Variants in NEO1 observed in about 807,000 individuals in gnomAD.
NEO1 encodes neogenin 1.
In NEO1, 63 loss-of-function variants were observed where a neutral mutation model predicts 159.7. The observed-to-expected ratio is 0.39, with a 90% CI of 0.32 to 0.49. NEO1 has a LOEUF of 0.49. Ranked by LOEUF, NEO1 falls within the 20% of genes least tolerant of loss-of-function variation. NEO1 has a pLI of 0.85. For missense variants in NEO1, 1,615 were observed against 1,831.0 expected (o/e 0.88, Z 2.15); for synonymous variants, 633 against 662.0 (o/e 0.96, Z 0.67).
At chr15:73,107,994 C>T (rs1246493278) in intron 1 of NEO1, among the ~76,000 whole-genome samples, 4 of 152,080 alleles carry the variant, frequency 2.6e-5, no homozygotes, top group African/African-American at 4.8e-5. Context: ...CCAGCCTGGG[C>T]AACATAGTGA....
chr15:73,066,888 C>G (rs192802616), intron 1 of NEO1, among the ~76,000 whole-genome samples: 1 of 152,296 alleles, frequency 6.6e-6, no homozygotes, highest in African/African-American at 2.4e-5. Context: ...CAGATTTGTC[C>G]CTTTGGCTTT....
chr15:73,242,692 T>C (rs2039555110), intron 8 of NEO1, among the ~76,000 whole-genome samples: 1 of 151,992 alleles, frequency 6.6e-6, no homozygotes, highest in Non-Finnish European at 1.5e-5. Flanking sequence ...CAAAAAAATC[T>C]TAAGAGAAAC....
At chr15:73,215,996 TATGTATAC>T (rs1567506900) in intron 7 of NEO1, among the ~76,000 whole-genome samples, 1 of 152,140 alleles carries the variant, frequency 6.6e-6, no homozygotes, top group African/African-American at 2.4e-5. Context: ...GCTAGTTACA[TATGTATAC>T]ATGTGCCATA....
At chr15:73,183,839 A>G (rs961010436) in intron 7 of NEO1, among the ~76,000 whole-genome samples, 5 of 152,210 alleles carry the variant, frequency 3.3e-5, no homozygotes, top group African/African-American at 1.2e-4. Context: ...AACCTATAGT[A>G]TACTTAAGGT....
At chr15:73,194,138 TG>T (rs1459225388) in intron 7 of NEO1, among the ~76,000 whole-genome samples, 1 of 152,192 alleles carries the variant, frequency 6.6e-6, no homozygotes, top group African/African-American at 2.4e-5. Flanking sequence ...TTTTCAGTTA[TG>T]TAGCACTTTA....
At chr15:73,053,363 T>C (rs554916079) in intron 1 of NEO1, among the ~76,000 whole-genome samples, 9 of 152,094 alleles carry the variant, frequency 5.9e-5, no homozygotes, top group Admixed American at 5.9e-4. Context: ...AGGGGCACAA[T>C]TGCCCGCTCA....
At chr15:73,183,673 T>C (rs1286815408) in intron 7 of NEO1, among the ~76,000 whole-genome samples, 1 of 152,046 alleles carries the variant, frequency 6.6e-6, no homozygotes, top group East Asian at 1.9e-4. Flanking sequence ...CCATGAACTT[T>C]CTACTGTTTG....
intron 1 of NEO1, among the ~76,000 whole-genome samples, chr15:73,092,701 T>A (rs1169140791): frequency 6.6e-6 from 1 of 152,152 alleles, no homozygotes; most frequent in Admixed American, 6.5e-5. Flanking sequence ...AATTTTAAAT[T>A]ATTTTATGTC....
chr15:73,282,775 A>T (rs2041784903), intron 22 of NEO1, among the ~76,000 whole-genome samples, 189 bp from the exon 23 acceptor site: 1 of 152,218 alleles, frequency 6.6e-6, no homozygotes, highest in Non-Finnish European at 1.5e-5. Context: ...TGTTCATAGG[A>T]CAGACTCTTA....
At chr15:73,290,794 G>T (rs893950821) in intron 25 of NEO1, among the ~76,000 whole-genome samples, 1 of 152,008 alleles carries the variant, frequency 6.6e-6, no homozygotes, top group East Asian at 1.9e-4. Flanking sequence ...GTCAACAAAC[G>T]ATGCGATTTA....
chr15:73,160,315 G>A lies in NEO1; in HGVS notation c.1016-16088G>A, dbSNP rs75388484. Among the ~76,000 whole-genome samples, 3 of 152,262 alleles carry A rather than the reference G, an allele frequency of 2.0e-5. No homozygotes were observed. The East Asian group carries it at 5.8e-4, about 29-fold the overall frequency. On this transcript the variant is annotated intron_variant, in intron 5 of 28. Coordinates refer to ENST00000261908, the MANE Select transcript of NEO1 (RefSeq NM_002499.4). ...CCAAGCAGTACTTCAGTGGACACCTGCTGTATGTCCTATAATTCAGTTCAG... is the reference window on the plus strand; with the variant it reads ...CCAAGCAGTACTTCAGTGGACACCTACTGTATGTCCTATAATTCAGTTCAG...
intron 20 of NEO1, 101 bp from the exon 21 acceptor site, chr15:73,274,590 TG>T (rs34696675): frequency 9.0e-7 from 1 of 1,105,698 alleles, no homozygotes; most frequent in East Asian, 2.4e-5. Context: ...TGGAAGTTTG[TG>T]GGGGTTTTAG....
At chr15:73,277,075 G>A (rs2151066940) in intron 21 of NEO1, among the ~76,000 whole-genome samples, 1 of 152,240 alleles carries the variant, frequency 6.6e-6, no homozygotes, top group East Asian at 1.9e-4. Context: ...GTTACAATGA[G>A]AAAACTGAGG....
At chr15:73,087,048 A>C (rs972853811) in intron 1 of NEO1, among the ~76,000 whole-genome samples, 1 of 152,190 alleles carries the variant, frequency 6.6e-6, no homozygotes, top group Non-Finnish European at 1.5e-5. Flanking sequence ...TACAGCAAAA[A>C]ATGGTGAATG....
chr15:73,249,914 T>C (rs2039987803), intron 11 of NEO1, among the ~76,000 whole-genome samples, 193 bp downstream of exon 11: 1 of 152,204 alleles, frequency 6.6e-6, no homozygotes, highest in Admixed American at 6.5e-5. Flanking sequence ...CTTCATTGAG[T>C]TGCTGTAAAG....
At chr15:73,249,312 G>A in intron 10 of NEO1, 104 bp downstream of exon 10, 2 of 1,270,020 alleles carry the variant, frequency 1.6e-6, no homozygotes, top group Non-Finnish European at 2.2e-6. Flanking sequence ...GGGGGAAAAA[G>A]AAACATAGGA....
intron 7 of NEO1, among the ~76,000 whole-genome samples, chr15:73,220,929 C>G (rs2038215486): frequency 6.6e-6 from 1 of 152,228 alleles, no homozygotes; most frequent in Non-Finnish European, 1.5e-5. Context: ...CTCAACTCAT[C>G]AAAGTCATTC....
At chr15:73,112,561 T>C (rs1299404857) in intron 1 of NEO1, among the ~76,000 whole-genome samples, 2 of 152,178 alleles carry the variant, frequency 1.3e-5, no homozygotes, top group Admixed American at 6.5e-5. Flanking sequence ...AAGGTTTTTA[T>C]CACTTGCATT....
intron 4 of NEO1, among the ~76,000 whole-genome samples, chr15:73,128,391 A>G (rs1446768557): frequency 6.6e-6 from 1 of 152,216 alleles, no homozygotes; most frequent in African/African-American, 2.4e-5. Context: ...TTTAAAACAT[A>G]TTTTGTCATG....
Sources: allele counts gnomAD v4.1 joint callset (sites outside exome capture counted in the v4.1 genomes callset), GRCh38; gene constraint gnomAD v4.1.1; transcripts MANE v1.5; gene names NCBI Gene and HGNC (gene_info 2026-07-23, HGNC 2026-07-21).